Variants in MCF2 observed in about 807,000 individuals in gnomAD.
MCF2 encodes the protein MCF.2 cell line derived transforming sequence.
A neutral mutation model predicts 82.5 loss-of-function variants in MCF2; 44 were observed. The ratio of observed to expected loss-of-function variants is 0.53; its 90% CI spans 0.42 to 0.69. MCF2 has a LOEUF of 0.69. Ranked by LOEUF, MCF2 falls within the 30% of genes least tolerant of loss-of-function variation. MCF2 has a pLI of 0.00. For missense variants in MCF2, 623 were observed against 663.1 expected (o/e 0.94, Z 0.66); for synonymous variants, 217 against 224.9 (o/e 0.96, Z 0.32).
intron 1 of MCF2, among the ~76,000 whole-genome samples, chrX:139,674,590 T>G (rs191452631): frequency 7.5e-4 from 84 of 112,113 alleles, no homozygotes; most frequent in Middle Eastern, 4.6e-3. Context: ...GAAGCTTAGT[T>G]TGGCTGGATA....
rs1212057216 is a variant in MCF2 at position 139,631,247 on chromosome X, A to G, written c.288+148T>C. 3 of 416,037 alleles carry G rather than the reference A, an allele frequency of 7.2e-6. No homozygotes were observed. The East Asian group carries it at 1.1e-4, about 15-fold the overall frequency. The allele number at this position is 416,037 out of a possible 1,213,427, so 34.3% of individuals were successfully genotyped here. A position where few individuals can be genotyped will look rare whatever the true frequency, so the allele number is the denominator to read the frequency against. On this transcript the variant is annotated intron_variant, in intron 3 of 24. Coordinates refer to ENST00000370576, the Ensembl canonical transcript of MCF2. ...AAGAAAACCAAGATGTTGAATTTATATGTATGTGAAAAATGAGGGCCCAGA... is the reference window on the plus strand; with the variant it reads ...AAGAAAACCAAGATGTTGAATTTATGTGTATGTGAAAAATGAGGGCCCAGA...
intron 6 of MCF2, among the ~76,000 whole-genome samples, chrX:139,624,997 T>C (rs1443292017): frequency 9.0e-6 from 1 of 111,469 alleles, no homozygotes; most frequent in Non-Finnish European, 1.9e-5. Context: ...TAAGTTAATC[T>C]GGGAAGAAGG....
intron 1 of MCF2, among the ~76,000 whole-genome samples, chrX:139,681,181 C>T (rs1934989525): frequency 8.9e-6 from 1 of 112,604 alleles, no homozygotes; most frequent in South Asian, 3.7e-4. Context: ...TTCTTCTCAT[C>T]ACAGTGTATA....
rs552098554 is a variant in MCF2, at chrX:139,621,013, G to T, written c.688-1307C>A. 6.3e-5 allele frequency among the ~76,000 whole-genome samples: 7 copies of T among 111,194 alleles called. No homozygotes were observed. In the South Asian group the frequency reaches 2.7e-3, roughly 42 times the overall value. On this transcript the variant is annotated intron_variant, in intron 6 of 24. Coordinates refer to ENST00000370576, the Ensembl canonical transcript of MCF2. ...ACAAAAACAGACACTTAGACCAATGGAACAGAATAGAGAACCCAGAAATAA... is the reference window on the plus strand; with the variant it reads ...ACAAAAACAGACACTTAGACCAATGTAACAGAATAGAGAACCCAGAAATAA...
rs5954132 is a variant in MCF2, at chrX:139,666,496, G to A, written c.-44-14708C>T. Among the ~76,000 whole-genome samples, 624 of 111,088 alleles carry A rather than the reference G, an allele frequency of 5.6e-3. 8 individuals carry two copies. Among genetic ancestry groups the A allele is most frequent in the African/African-American group, 0.019 (581 of 30,472 alleles). Reference sequence around the variant, plus strand: ...TTTATTGGATATAGTATTCTTGGCTGGTATTTTTTTTCTTTCAGCACTTTA... The same window carrying A: ...TTTATTGGATATAGTATTCTTGGCTAGTATTTTTTTTCTTTCAGCACTTTA... On this transcript the variant is annotated intron_variant, in intron 1 of 27. Transcript: ENST00000414978.
At chrX:139,596,846 C>G in intron 18 of MCF2, 76 bp from the exon 23 acceptor site, 1 of 674,533 alleles carries the variant, frequency 1.5e-6, no homozygotes, top group East Asian at 3.2e-5. Flanking sequence ...TGTTAGGGTT[C>G]AGCTTAAGCT....
chrX:139,582,459 A>T, exon 25 of MCF2: 1 of 1,209,358 alleles, frequency 8.3e-7, no homozygotes, highest in Non-Finnish European at 1.1e-6. Context: ...GCCATTTGAC[A>T]TAGTAGCTTC....
intron 2 of MCF2, 31 bp downstream of exon 2, chrX:139,651,689 A>ATCTG: frequency 1.0e-6 from 1 of 977,823 alleles, no homozygotes; most frequent in Non-Finnish European, 1.4e-6. Flanking sequence ...TCATATATCT[A>ATCTG]TCTGGACTAT....
At position 139,589,778 on chromosome X, in the gene MCF2, G is replaced by A. The variant is rs1422336745; in HGVS notation, c.2370+57C>T. 4 of 815,114 alleles carry A rather than the reference G, an allele frequency of 4.9e-6. No individual in the cohort carries two copies. The Admixed American group carries it at 8.8e-5, about 18-fold the overall frequency. 67.2% of individuals were successfully genotyped at this position (815,114 alleles called of 1,213,427 possible). Reference sequence around the variant, plus strand: ...CAAAATTATTTTTGTTTATAAATTCGGGCTTTTGTATTTCAATGCAGGTTT... The same window carrying A: ...CAAAATTATTTTTGTTTATAAATTCAGGCTTTTGTATTTCAATGCAGGTTT... On this transcript the variant is annotated intron_variant, in intron 20 of 24. Coordinates refer to ENST00000370576, the Ensembl canonical transcript of MCF2.
intron 1 of MCF2, among the ~76,000 whole-genome samples, chrX:139,656,298 G>A (rs956791990): frequency 5.9e-4 from 66 of 111,409 alleles, no homozygotes; most frequent in African/African-American, 2.0e-3. Flanking sequence ...TCCTGACCTC[G>A]TGATCCGCCC....
At chrX:139,696,519 G>A (rs908998110) in intron 1 of MCF2, among the ~76,000 whole-genome samples, 5 of 111,223 alleles carry the variant, frequency 4.5e-5, no homozygotes, top group East Asian at 2.8e-4. Flanking sequence ...CACCACCCGG[G>A]CTCAAGCGAT....
intron 1 of MCF2, among the ~76,000 whole-genome samples, chrX:139,682,190 G>A (rs1935014655): frequency 9.0e-6 from 1 of 111,420 alleles, no homozygotes; most frequent in Non-Finnish European, 1.9e-5. Context: ...GTGACAGTGA[G>A]AAGACCTCCC....
At chrX:139,637,472 ATGAC>A (rs1377096275) in intron 1 of MCF2, among the ~76,000 whole-genome samples, 1 of 111,837 alleles carries the variant, frequency 8.9e-6, no homozygotes, top group East Asian at 2.8e-4. Context: ...TATGACATTT[ATGAC>A]TACTTTTCAT....
chrX:139,622,478 G>C (rs916007938), intron 6 of MCF2, among the ~76,000 whole-genome samples: 23 of 111,624 alleles, frequency 2.1e-4, no homozygotes, highest in African/African-American at 6.8e-4. Context: ...TTGGAACCAA[G>C]CCAAATGTCC....
intron 1 of MCF2, among the ~76,000 whole-genome samples, chrX:139,670,023 A>G (rs1034521567): frequency 4.5e-5 from 5 of 111,945 alleles, no homozygotes; most frequent in Admixed American, 1.9e-4. Flanking sequence ...TTTAATTTAA[A>G]TGGGTAAATT....
chrX:139,630,450 C>T lies in MCF2; in HGVS notation c.289-606G>A, dbSNP rs151168147. Among the ~76,000 whole-genome samples the T allele has an allele frequency of 8.4e-3, 939 of 111,625 alleles. 7 individuals are homozygous for T. The highest frequency in any genetic ancestry group is 0.029 in the African/African-American group (881 of 30,754). ...TTGTTGTTTCTTTTGTTTCTAAAAT[C>T]AATTACTCTGAGAAAGAAGGGCAAA... On this transcript the variant is annotated intron_variant, in intron 3 of 24. Transcript: ENST00000370576.
intron 1 of MCF2, among the ~76,000 whole-genome samples, chrX:139,666,703 A>G (rs927974197): frequency 3.6e-5 from 4 of 111,542 alleles, no homozygotes; most frequent in Non-Finnish European, 7.5e-5. Flanking sequence ...CTTTTGCATT[A>G]TATCTTCCTG....
intron 19 of MCF2, among the ~76,000 whole-genome samples, chrX:139,593,114 T>A (rs1682963869): frequency 8.9e-6 from 1 of 112,195 alleles, no homozygotes; most frequent in Non-Finnish European, 1.9e-5. Flanking sequence ...GTTATATTGG[T>A]TTTAGAATTT....
intron 1 of MCF2, among the ~76,000 whole-genome samples, chrX:139,656,507 G>A (rs1934205920): frequency 8.9e-6 from 1 of 112,295 alleles, no homozygotes; most frequent in East Asian, 2.8e-4. Context: ...TAAAGAGAAA[G>A]GATGAAATCA....
Sources: allele counts gnomAD v4.1 joint callset (sites outside exome capture counted in the v4.1 genomes callset), GRCh38; gene constraint gnomAD v4.1.1; transcripts MANE v1.5; gene names NCBI Gene and HGNC (gene_info 2026-07-23, HGNC 2026-07-21).